Variants in NAV3 observed in about 807,000 individuals in gnomAD.
NAV3 encodes pore membrane and/or filament interacting like protein 1.
NAV3 carries 87 observed loss-of-function variants against 244.7 expected under a neutral mutation model. That is an observed-to-expected ratio of 0.36 (90% CI 0.30 to 0.42). NAV3 has a LOEUF of 0.42. NAV3 is among the 20% of genes least tolerant of loss of function. NAV3 has a pLI of 1.00. For missense variants in NAV3, 2,663 were observed against 2,893.3 expected, an observed-to-expected ratio of 0.92 and a Z score of 1.83; for synonymous variants, 1,126 against 1,042.2, an observed-to-expected ratio of 1.08 and a Z score of -1.55.
At chr12:77,916,695 G>T (rs550460650) in intron 1 of NAV3, among the ~76,000 whole-genome samples, 2 of 152,058 alleles carry the variant, frequency 1.3e-5, no homozygotes, top group East Asian at 3.9e-4. Flanking sequence ...CACGTTTTTC[G>T]TCAGACTTTT....
intron 1 of NAV3, among the ~76,000 whole-genome samples, chr12:77,935,484 T>C (rs1889235486): frequency 6.6e-6 from 1 of 152,202 alleles, no homozygotes; most frequent in Non-Finnish European, 1.5e-5. Flanking sequence ...TGAATATATA[T>C]GATTTAAGAG....
intron 2 of NAV3, among the ~76,000 whole-genome samples, chr12:77,716,810 G>A (rs569608515): frequency 3.4e-4 from 52 of 151,988 alleles, no homozygotes; most frequent in Admixed American, 6.6e-4. Context: ...TATAAAAAGG[G>A]TTCTGCAAGT....
At chr12:77,577,571 A>G (rs766858354) in intron 2 of NAV3, among the ~76,000 whole-genome samples, 1 of 152,194 alleles carries the variant, frequency 6.6e-6, no homozygotes, top group African/African-American at 2.4e-5. Flanking sequence ...TAAGACGTCA[A>G]TAGATATAGT....
chr12:78,002,201 G>C (rs1002867003), intron 7 of NAV3, among the ~76,000 whole-genome samples: 1 of 152,138 alleles, frequency 6.6e-6, no homozygotes, highest in Non-Finnish European at 1.5e-5. Flanking sequence ...TTGGAATCCA[G>C]TTTCTTTATT....
At chr12:78,041,988 TC>T (rs1880945861) in intron 9 of NAV3, among the ~76,000 whole-genome samples, 1 of 152,126 alleles carries the variant, frequency 6.6e-6, no homozygotes, top group East Asian at 1.9e-4. Context: ...TTCCCAGCCG[TC>T]CCATCTACTT....
chr12:77,595,108 A>C (rs899776440), intron 2 of NAV3, among the ~76,000 whole-genome samples: 5 of 152,194 alleles, frequency 3.3e-5, no homozygotes, highest in South Asian at 2.1e-4. Flanking sequence ...CTGCACTCCC[A>C]TGTTGATTAC....
intron 1 of NAV3, among the ~76,000 whole-genome samples, chr12:77,849,141 C>T (rs1011810053): frequency 3.9e-5 from 6 of 152,126 alleles, no homozygotes; most frequent in Admixed American, 3.3e-4. Context: ...TATTTAAACT[C>T]TAATTAAATT....
intron 2 of NAV3, among the ~76,000 whole-genome samples, chr12:77,737,844 A>G (rs977980129): frequency 1.3e-5 from 2 of 152,186 alleles, no homozygotes; most frequent in African/African-American, 4.8e-5. Flanking sequence ...TTGTCTAGTG[A>G]TGGAATATGA....
chr12:77,682,221 T>C (rs544766231), intron 2 of NAV3, among the ~76,000 whole-genome samples: 10 of 152,288 alleles, frequency 6.6e-5, no homozygotes, highest in African/African-American at 2.2e-4. Flanking sequence ...CTCAACTCTT[T>C]TAGATTCTAC....
chr12:77,611,442 AT>A (rs1185953105), intron 2 of NAV3, among the ~76,000 whole-genome samples: 1 of 151,860 alleles, frequency 6.6e-6, no homozygotes, highest in Non-Finnish European at 1.5e-5. Flanking sequence ...AATACTAGCT[AT>A]TTTTTCTCCT....
At chr12:77,681,149 A>C (rs1018322163) in intron 2 of NAV3, among the ~76,000 whole-genome samples, 5 of 152,288 alleles carry the variant, frequency 3.3e-5, no homozygotes, top group Non-Finnish European at 7.4e-5. Context: ...AACCTATTAC[A>C]TCTTTTAATT....
intron 2 of NAV3, among the ~76,000 whole-genome samples, chr12:77,636,167 TA>T (rs1256791384): frequency 1.3e-5 from 2 of 152,048 alleles, no homozygotes; most frequent in Non-Finnish European, 2.9e-5. Context: ...TGGCGATCAT[TA>T]AAAAGTCAGG....
chr12:77,842,887 G>T (rs530462742), intron 1 of NAV3, among the ~76,000 whole-genome samples: 1 of 152,274 alleles, frequency 6.6e-6, no homozygotes, highest in Non-Finnish European at 1.5e-5. Context: ...CTTCTCTTCA[G>T]CAGTGTTCAT....
At chr12:78,080,677 C>T (rs532325548) in intron 12 of NAV3, among the ~76,000 whole-genome samples, 16 of 152,134 alleles carry the variant, frequency 1.1e-4, no homozygotes, top group Non-Finnish European at 1.8e-4. Flanking sequence ...GATATTGGAC[C>T]ATTTACTCAT....
intron 2 of NAV3, among the ~76,000 whole-genome samples, chr12:77,799,868 G>A (rs927272242): frequency 6.6e-6 from 1 of 152,030 alleles, no homozygotes; most frequent in Non-Finnish European, 1.5e-5. Context: ...ATAACGATAT[G>A]TAGTTATAAT....
At chr12:77,579,766 G>A (rs1485085904) in intron 2 of NAV3, among the ~76,000 whole-genome samples, 3 of 152,094 alleles carry the variant, frequency 2.0e-5, no homozygotes, top group Admixed American at 1.3e-4. Context: ...AATGTCTTTG[G>A]GAAGATCCAG....
intron 9 of NAV3, among the ~76,000 whole-genome samples, chr12:78,043,664 G>A (rs1881269323): frequency 6.6e-6 from 1 of 152,146 alleles, no homozygotes; most frequent in South Asian, 2.1e-4. Flanking sequence ...GTTTTGATTT[G>A]CATTTCTCTA....
Position 77,624,115 on chromosome 12 carries a change from AAATTACAGAATACGTTATTTT to A in NAV3, c.72+51851_72+51871del, listed in dbSNP as rs539586295. On this transcript the variant is annotated intron_variant, in intron 2 of 8. Transcript: ENST00000550042. ...CAGAAAAGCAGGATGAGTGGGTTGA[AAATTACAGAATACGTTATTTT>A]AGAAGGGCTAACCAGGAAAGGATTG... is the stretch of plus-strand genomic sequence containing the variant. Among the ~76,000 whole-genome samples the A allele has an allele frequency of 1.1e-4, 17 of 152,304 alleles. No individual in the cohort carries two copies. In the South Asian group the frequency reaches 3.1e-3, roughly 28 times the overall value.
intron 1 of NAV3, among the ~76,000 whole-genome samples, chr12:77,927,949 G>A (rs1028478363): frequency 2.0e-5 from 3 of 151,968 alleles, no homozygotes; most frequent in Admixed American, 6.5e-5. Flanking sequence ...GGAAGTGCAC[G>A]GTGACTCATA....
Sources: gnomAD v4.1 joint callset for allele counts (sites outside exome capture counted in the v4.1 genomes callset) on GRCh38, gnomAD v4.1.1 for gene constraint, MANE v1.5 for transcripts, NCBI Gene and HGNC (gene_info 2026-07-23, HGNC 2026-07-21) for gene names.